Variants in CORIN observed in about 807,000 individuals in gnomAD.
The protein encoded by CORIN is corin, serine peptidase, also known as atrial natriuretic peptide-converting enzyme.
A neutral mutation model predicts 125.3 loss-of-function variants in CORIN; 117 were observed. The ratio of observed to expected loss-of-function variants is 0.93; its 90% CI spans 0.80 to 1.09. The LOEUF (loss-of-function observed/expected upper bound fraction) is 1.09. CORIN is among the 50% of genes least tolerant of loss of function. The pLI is 0.00. For missense variants in CORIN, 1,253 were observed against 1,306.7 expected, an observed-to-expected ratio of 0.96 and a Z score of 0.63; for synonymous variants, 450 against 466.4, an observed-to-expected ratio of 0.96 and a Z score of 0.45.
chr4:47,756,136 T>C (rs1729135014), intron 4 of CORIN, among the ~76,000 whole-genome samples: 1 of 152,106 alleles, frequency 6.6e-6, no homozygotes, highest in African/African-American at 2.4e-5. Context: ...GATCAGAGAT[T>C]TGTCTGCAGA....
intron 3 of CORIN, among the ~76,000 whole-genome samples, chr4:47,777,553 C>T (rs1730355922): frequency 6.6e-6 from 1 of 152,214 alleles, no homozygotes; most frequent in Admixed American, 6.5e-5. Flanking sequence ...ATCACTTGAA[C>T]TCAGGAGGTG....
chr4:47,740,552 T>C (rs1728340559), intron 5 of CORIN, among the ~76,000 whole-genome samples: 1 of 151,978 alleles, frequency 6.6e-6, no homozygotes, highest in Non-Finnish European at 1.5e-5. Context: ...TCCAGCTCTT[T>C]TAGCAAAGAT....
rs1346308594 is a variant in CORIN, at chr4:47,803,058, T to C, written c.208+3845A>G. Among the ~76,000 whole-genome samples the C allele has an allele frequency of 2.6e-5, 4 of 152,176 alleles. No individual in the cohort carries two copies. In the East Asian group the frequency reaches 5.8e-4, roughly 22 times the overall value. ...GAAGTCTTCAAGAATTGCAGCATTATAGGGTCGCAGGCCCAAGTCCCTTAG... is the reference window on the plus strand; with the variant it reads ...GAAGTCTTCAAGAATTGCAGCATTACAGGGTCGCAGGCCCAAGTCCCTTAG... On this transcript the variant is annotated intron_variant, in intron 2 of 21. Transcript: ENST00000273857.
intron 19 of CORIN, among the ~76,000 whole-genome samples, chr4:47,623,096 C>CTCTCTCTCTCTCTCTATA (rs771867590): frequency 1.2e-3 from 119 of 102,278 alleles, no homozygotes; most frequent in African/African-American, 4.2e-3. Context: ...CTCTCTCTCT[C>CTCTCTCTCTCTCTCTATA]TATATATATA....
At chr4:47,657,758 A>G (rs1724061533) in intron 12 of CORIN, among the ~76,000 whole-genome samples, 2 of 151,962 alleles carry the variant, frequency 1.3e-5, no homozygotes, top group Admixed American at 6.6e-5. Context: ...AGGAGGCACC[A>G]TGACCAGATC....
chr4:47,643,078 G>T (rs1356921777), intron 15 of CORIN, 68 bp downstream of exon 15: 1 of 1,611,834 alleles, frequency 6.2e-7, no homozygotes, highest in Admixed American at 1.7e-5. Flanking sequence ...AGTAATTTAG[G>T]ATCCATTCAG....
chr4:47,680,079 A>T, intron 8 of CORIN, 62 bp downstream of exon 8: 1 of 1,037,588 alleles, frequency 9.6e-7, no homozygotes, highest in Non-Finnish European at 1.5e-6. Flanking sequence ...CTCAACCTTG[A>T]GTACAGCCTA....
chr4:47,766,046 T>C lies in CORIN; in HGVS notation c.410-2460A>G, dbSNP rs578171435. 2.6e-5 allele frequency among the ~76,000 whole-genome samples: 4 copies of C among 152,312 alleles called. No individual in the cohort carries two copies. The South Asian group carries it at 8.3e-4, about 32-fold the overall frequency. ...TTGAAATATTTAAAGGGGGCTTTCT[T>C]TGAAAAGTAGCCGGTTCAGAGGCAG... On this transcript the variant is annotated intron_variant, in intron 3 of 21. Transcript: ENST00000273857.
intron 4 of CORIN, among the ~76,000 whole-genome samples, chr4:47,750,646 T>C (rs1249736852): frequency 6.6e-6 from 1 of 152,156 alleles, no homozygotes; most frequent in Non-Finnish European, 1.5e-5. Flanking sequence ...GGCTGCTTGA[T>C]AGGGGTCGTG....
At chr4:47,629,803 A>T (rs568573553) in intron 16 of CORIN, among the ~76,000 whole-genome samples, 1 of 152,294 alleles carries the variant, frequency 6.6e-6, no homozygotes, top group Admixed American at 6.5e-5. Flanking sequence ...GCACTAAAAG[A>T]CTAACTTGTT....
At chr4:47,610,539 T>C (rs1334105632) in intron 19 of CORIN, among the ~76,000 whole-genome samples, 1 of 152,202 alleles carries the variant, frequency 6.6e-6, no homozygotes, top group African/African-American at 2.4e-5. Flanking sequence ...TTTCTCATTC[T>C]GTAGGTTGTC....
At chr4:47,744,635 T>C in intron 4 of CORIN, 52 bp from the exon 5 acceptor site, 1 of 1,477,404 alleles carries the variant, frequency 6.8e-7, no homozygotes, top group Non-Finnish European at 9.1e-7. Flanking sequence ...CAGAATAGGT[T>C]TTGAAATAAT....
At chr4:47,661,061 T>C (rs1388987354) in intron 12 of CORIN, among the ~76,000 whole-genome samples, 1 of 152,226 alleles carries the variant, frequency 6.6e-6, no homozygotes, top group Non-Finnish European at 1.5e-5. Flanking sequence ...TTATGTTACC[T>C]GAAATAAGCC....
At chr4:47,620,316 G>T (rs1448451221) in intron 19 of CORIN, among the ~76,000 whole-genome samples, 2 of 152,134 alleles carry the variant, frequency 1.3e-5, no homozygotes, top group Non-Finnish European at 2.9e-5. Flanking sequence ...TAAACCAAAT[G>T]TCCATCAAGT....
intron 5 of CORIN, among the ~76,000 whole-genome samples, chr4:47,730,062 A>G (rs1727796405): frequency 6.6e-6 from 1 of 152,166 alleles, no homozygotes; most frequent in South Asian, 2.1e-4. Context: ...TTCTTCCAGT[A>G]CACACTGGGC....
intron 3 of CORIN, among the ~76,000 whole-genome samples, chr4:47,776,636 T>G (rs1007489018): frequency 1.3e-5 from 2 of 152,180 alleles, no homozygotes; most frequent in Admixed American, 1.3e-4. Context: ...CTCTCTGAGC[T>G]TGAGTACTTA....
intron 2 of CORIN, chr4:47,790,142 TTTAAA>T: frequency 1.2e-6 from 1 of 857,108 alleles, no homozygotes; most frequent in African/African-American, 1.8e-5. Flanking sequence ...AAAGTACAGG[TTTAAA>T]TCCCATCTCT....
rs550523361 is a variant in CORIN, at chr4:47,630,823, T to G, written c.2199-4302A>C. Among the ~76,000 whole-genome samples the G allele has an allele frequency of 2.3e-4, 35 of 152,312 alleles. No homozygotes were observed. In the South Asian group the frequency reaches 7.1e-3, roughly 31 times the overall value. ...CTGTTACAACACAGATTTGTTGGCC[T>G]CATCCCCAGATTTTCTGATTCAGTT... On this transcript the variant is annotated intron_variant, in intron 16 of 21. Coordinates refer to ENST00000273857, the MANE Select transcript of CORIN (RefSeq NM_006587.4).
At chr4:47,763,641 G>A in intron 3 of CORIN, 55 bp from the exon 4 acceptor site, 1 of 1,442,052 alleles carries the variant, frequency 6.9e-7, no homozygotes, top group South Asian at 1.2e-5. Context: ...GTATATGTTT[G>A]CAAACTCATT....
Sources: allele counts gnomAD v4.1 joint callset (sites outside exome capture counted in the v4.1 genomes callset), GRCh38; gene constraint gnomAD v4.1.1; transcripts MANE v1.5; gene names NCBI Gene and HGNC (gene_info 2026-07-23, HGNC 2026-07-21).